Variants in GAK observed in about 807,000 individuals in gnomAD.
The protein encoded by GAK is cyclin-G-associated kinase.
A neutral mutation model predicts 143.9 loss-of-function variants in GAK; 79 were observed. That is an observed-to-expected ratio of 0.55 (90% CI 0.46 to 0.66). The LOEUF is 0.66. GAK is among the 30% of genes least tolerant of loss of function. The probability of loss-of-function intolerance (pLI) is 0.00; values close to 1 mark genes in which losing one functional copy is unlikely to be tolerated. For synonymous variants in GAK, 881 were observed against 765.5 expected (o/e 1.15, Z -2.49); for missense variants, 1,693 against 1,779.7 (o/e 0.95, Z 0.88).
At chr4:920,385 T>C (rs997430169) in intron 1 of GAK, among the ~76,000 whole-genome samples, 2 of 151,048 alleles carry the variant, frequency 1.3e-5, no homozygotes, top group Non-Finnish European at 2.9e-5. Flanking sequence ...TAACGCAGTA[T>C]CACACACAGT....
chr4:878,853 C>A (rs192717866), intron 15 of GAK, among the ~76,000 whole-genome samples: 11 of 152,170 alleles, frequency 7.2e-5, no homozygotes, highest in Admixed American at 2.0e-4. Flanking sequence ...GGCCCTCTCC[C>A]GGAGCTTGTG....
chr4:851,456 AG>A, intron 25 of GAK: 1 of 530,730 alleles, frequency 1.9e-6, no homozygotes, highest in Non-Finnish European at 3.4e-6. Flanking sequence ...CCCCGGGAAC[AG>A]GGCTACCATC....
rs184602256 is a variant in GAK at position 910,387 on chromosome 4, C to G, written c.382+1286G>C. Among the ~76,000 whole-genome samples the G allele has an allele frequency of 1.6e-4, 23 of 141,948 alleles. No homozygotes were observed. In the East Asian group the frequency reaches 5.0e-3, roughly 31 times the overall value. The allele number at this position is 141,948 out of a possible 152,430, so 93.1% of individuals were successfully genotyped here. On this transcript the variant is annotated intron_variant, in intron 4 of 27. Coordinates refer to ENST00000314167, the MANE Select transcript of GAK (RefSeq NM_005255.4). ...GGCCCCCCACAAAGCACGGGATGCC[C>G]CCATCCCACTAAGTGCAGTCCCCCC...
intron 4 of GAK, among the ~76,000 whole-genome samples, chr4:910,734 T>C (rs1423108730): frequency 6.8e-6 from 1 of 146,142 alleles, no homozygotes; most frequent in African/African-American, 2.5e-5. Context: ...GCCTCTCCTC[T>C]CCCCTCTCTC....
Position 868,642 on chromosome 4 carries a change from A to G in GAK, c.2292T>C (p.Tyr764=), listed in dbSNP as rs144503542. ...CTTCCGGGGACCCTGCCCCAGCATC[A>G]TACTGAGCCGTGGAGCCAGGCTGCC... The part of the protein sequence containing the change: ...LPRQPGSTAQ[Y]DAGAGSPEAE... Residue 764 remains tyrosine, a synonymous_variant, in exon 20 of 28, where the codon TAT becomes TAC. Transcript: ENST00000314167. 1.9e-6 allele frequency: 3 copies of G among 1,564,370 alleles called. No individual in the cohort carries two copies. Among genetic ancestry groups the G allele is most frequent in the Admixed American group, 1.9e-5 (1 of 52,642 alleles).
intron 4 of GAK, among the ~76,000 whole-genome samples, chr4:908,360 C>T (rs142706492): frequency 1.5e-4 from 23 of 152,250 alleles, no homozygotes; most frequent in Middle Eastern, 6.8e-3. Context: ...TGGAACGAAG[C>T]GACCGCACCA....
Position 864,549 on chromosome 4 carries a change from C to A in GAK, c.3166+573G>T, listed in dbSNP as rs77075306. Among the ~76,000 whole-genome samples, 725 of 152,292 alleles carry A rather than the reference C, an allele frequency of 4.8e-3. 1 individual carries two copies. Among genetic ancestry groups the A allele is most frequent in the Middle Eastern group, 0.014 (4 of 294 alleles). ...TACGCATCCGCGCTACCAGACGCCG[C>A]GGGAGGGCCGGCTCCAGGGTGACGG... is the stretch of plus-strand genomic sequence containing the variant. On this transcript the variant is annotated intron_variant, in intron 23 of 27. Transcript: ENST00000314167.
At chr4:861,168 C>T (rs1750210306) in intron 23 of GAK, among the ~76,000 whole-genome samples, 1 of 152,192 alleles carries the variant, frequency 6.6e-6, no homozygotes, top group South Asian at 2.1e-4. Context: ...CGAGACACAA[C>T]TTTACTGAAA....
At chr4:903,026 C>G (rs1183179822) in intron 5 of GAK, among the ~76,000 whole-genome samples, 1 of 152,194 alleles carries the variant, frequency 6.6e-6, no homozygotes, top group Non-Finnish European at 1.5e-5. Flanking sequence ...AGGGCATGGA[C>G]AGCCCACGGG....
chr4:899,398 C>T (rs534329079), intron 5 of GAK, among the ~76,000 whole-genome samples: 9 of 152,046 alleles, frequency 5.9e-5, no homozygotes, highest in South Asian at 4.2e-4. Context: ...GGAAGGTGCT[C>T]GGCACACACG....
chr4:856,149 TCAC>T lies in GAK; in HGVS notation c.3283+3454_3283+3456del, dbSNP rs375829568. On this transcript the variant is annotated intron_variant, in intron 24 of 27. Transcript: ENST00000314167. Reference sequence around the variant, plus strand: ...GACCACACCTGCTCACCACAGCTGCTCACCACACCTGCTCACCACCACAGCTGC... The same window carrying T: ...GACCACACCTGCTCACCACAGCTGCTCACACCTGCTCACCACCACAGCTGC... Among the ~76,000 whole-genome samples, 494 of 148,156 alleles carry T rather than the reference TCAC, an allele frequency of 3.3e-3. 3 individuals are homozygous for T. The highest frequency in any genetic ancestry group is 0.01 in the African/African-American group (416 of 39,786).
chr4:893,359 C>G lies in GAK; in HGVS notation c.990+18G>C, dbSNP rs768524995. ...TCACCACTGCGGGGGATTTGGGGCT[C>G]ACGTGTGCCTCCCTCACCTCTGTGA... On this transcript the variant is annotated intron_variant, in intron 9 of 27. Coordinates refer to ENST00000314167, the MANE Select transcript of GAK (RefSeq NM_005255.4). 1 of 1,508,534 alleles carries G rather than the reference C, an allele frequency of 6.6e-7. No homozygotes were observed. The highest frequency in any genetic ancestry group is 8.9e-7 in the Non-Finnish European group (1 of 1,119,940). The allele number at this position is 1,508,534 out of a possible 1,614,324, so 93.4% of individuals were successfully genotyped here. A position where few individuals can be genotyped will look rare whatever the true frequency, so the allele number is the denominator to read the frequency against.
chr4:901,802 G>A (rs1340516966), intron 5 of GAK, among the ~76,000 whole-genome samples: 4 of 152,218 alleles, frequency 2.6e-5, no homozygotes, highest in Non-Finnish European at 5.9e-5. Context: ...TCCACAAGCC[G>A]TGGCCAGAGG....
intron 24 of GAK, chr4:852,338 C>G (rs559078313): frequency 5.9e-6 from 2 of 341,456 alleles, no homozygotes; most frequent in African/African-American, 2.2e-5. Flanking sequence ...GGCTTGTCCA[C>G]GGGGGTTGGG....
At chr4:862,938 C>G (rs779840277) in intron 23 of GAK, among the ~76,000 whole-genome samples, 2 of 152,238 alleles carry the variant, frequency 1.3e-5, no homozygotes, top group African/African-American at 2.4e-5. Context: ...GCCCTTGGAT[C>G]AAGGAGTCGT....
rs542694783 is a variant in GAK, at chr4:900,397, C to T, written c.526-2239G>A. Among the ~76,000 whole-genome samples, 48 of 152,358 alleles carry T rather than the reference C, an allele frequency of 3.2e-4. 1 individual carries two copies. In the South Asian group the frequency reaches 5.2e-3, roughly 16 times the overall value. The stretch of plus-strand genomic sequence containing the variant: ...GGGCTGGCCTGGGTTCCCGCCACGC[C>T]GCTGTGGAGCAGCAGCAAGGCCAGT... On this transcript the variant is annotated intron_variant, in intron 5 of 27. Coordinates refer to ENST00000314167, the MANE Select transcript of GAK (RefSeq NM_005255.4).
At position 866,495 on chromosome 4, in the gene GAK, T is replaced by C; in HGVS notation, c.2912A>G (p.Asn971Ser). 3 of 1,613,484 alleles carry C rather than the reference T, an allele frequency of 1.9e-6. No homozygotes were observed. Among genetic ancestry groups the C allele is most frequent in the Non-Finnish European group, 2.5e-6 (3 of 1,179,834 alleles). Residue 971 changes from asparagine (N) to serine (S), a missense_variant, in exon 22 of 28, where the codon AAC (asparagine) becomes AGC (serine). By Grantham distance (46) the Asn-to-Ser change is conservative. Transcript: ENST00000314167. The part of the protein sequence containing the change: ...FGPLLPSSGN[N>S]SQPCSNPDLF... ...ATCAGGATTGGAGCAGGGCTGGGAG[T>C]TGTTGCCTGAAGACGGCAGAAGCGG...
At chr4:901,875 G>C (rs1719934288) in intron 5 of GAK, among the ~76,000 whole-genome samples, 1 of 152,236 alleles carries the variant, frequency 6.6e-6, no homozygotes, top group Non-Finnish European at 1.5e-5. Context: ...GGAAGGCTGA[G>C]AACAGGAGGG....
intron 1 of GAK, among the ~76,000 whole-genome samples, chr4:921,112 T>C (rs1723859104): frequency 6.6e-6 from 1 of 151,182 alleles, no homozygotes; most frequent in Non-Finnish European, 1.5e-5. Flanking sequence ...TTCTTTTTCT[T>C]TTTTTTTTGA....
Sources: allele counts gnomAD v4.1 joint callset (sites outside exome capture counted in the v4.1 genomes callset), GRCh38; gene constraint gnomAD v4.1.1; transcripts MANE v1.5; gene names NCBI Gene and HGNC (gene_info 2026-07-23, HGNC 2026-07-21).